The following JMJD1C variants were observed in gnomAD, a reference collection of about 807,000 sequenced individuals.
JMJD1C encodes jumonji domain-containing protein 1C.
JMJD1C carries 31 observed loss-of-function variants against 245.3 expected under a neutral mutation model. That is an observed-to-expected ratio of 0.13 (90% confidence interval 0.09 to 0.17). The LOEUF (loss-of-function observed/expected upper bound fraction) is 0.17. Ranked by LOEUF, JMJD1C falls within the 10% of genes least tolerant of loss-of-function variation. JMJD1C has a pLI of 1.00. For missense variants in JMJD1C, 2,691 were observed against 3,000.2 expected (o/e 0.90, Z 2.41); for synonymous variants, 1,057 against 1,017.4 (o/e 1.04, Z -0.74).
intron 1 of JMJD1C, among the ~76,000 whole-genome samples, chr10:63,506,272 AAGAAAGCTTTAG>A (rs1179334568): frequency 3.3e-5 from 5 of 152,216 alleles, no homozygotes; most frequent in African/African-American, 1.2e-4. Context: ...GGGATTTAGG[AAGAAAGCTTTAG>A]AGTTTGACCA....
intron 1 of JMJD1C, among the ~76,000 whole-genome samples, chr10:63,484,281 A>G (rs1047401118): frequency 6.6e-6 from 1 of 151,732 alleles, no homozygotes; most frequent in Non-Finnish European, 1.5e-5. Flanking sequence ...TAAGATAGAT[A>G]GATAAGACAG....
intron 2 of JMJD1C, among the ~76,000 whole-genome samples, chr10:63,356,552 G>A (rs2134327257): frequency 6.6e-6 from 1 of 152,286 alleles, no homozygotes; most frequent in South Asian, 2.1e-4. Context: ...TATTACAATG[G>A]TTTGGACTGT....
intron 8 of JMJD1C, among the ~76,000 whole-genome samples, chr10:63,209,480 TA>T (rs1453050299): frequency 6.6e-6 from 1 of 152,318 alleles, no homozygotes; most frequent in African/African-American, 2.4e-5. Flanking sequence ...GTCATCTTAC[TA>T]AAAACAGATC....
chr10:63,427,921 CCTAGAAG>C, intron 1 of JMJD1C: 1 of 716,140 alleles, frequency 1.4e-6, no homozygotes, highest in Non-Finnish European at 2.6e-6. Flanking sequence ...AAGGCAGCCA[CCTAGAAG>C]CAGCAGCAGC....
At chr10:63,216,797 A>C (rs912344557) in intron 5 of JMJD1C, among the ~76,000 whole-genome samples, 3 of 152,204 alleles carry the variant, frequency 2.0e-5, no homozygotes, top group African/African-American at 7.2e-5. Flanking sequence ...GAGCATACCA[A>C]CACTGACATT....
intron 1 of JMJD1C, among the ~76,000 whole-genome samples, chr10:63,429,243 T>A (rs1950612235): frequency 1.3e-5 from 2 of 152,010 alleles, no homozygotes; most frequent in Non-Finnish European, 2.9e-5. Flanking sequence ...CCTCCCAAAG[T>A]GCTGGGATTA....
At chr10:63,358,771 G>A (rs146440422) in intron 2 of JMJD1C, 4 of 153,024 alleles carry the variant, frequency 2.6e-5, no homozygotes, top group African/African-American at 9.6e-5. Context: ...CCATAACCCA[G>A]GGGCTGTTAA....
chr10:63,459,139 T>C (rs1440838133), intron 1 of JMJD1C, among the ~76,000 whole-genome samples: 3 of 152,212 alleles, frequency 2.0e-5, no homozygotes, highest in Non-Finnish European at 2.9e-5. Flanking sequence ...CTGAAGGATT[T>C]AGAACAGAAC....
At chr10:63,464,552 A>G (rs1162445381) in intron 1 of JMJD1C, among the ~76,000 whole-genome samples, 2 of 152,176 alleles carry the variant, frequency 1.3e-5, no homozygotes, top group East Asian at 3.9e-4. Context: ...AGTCTAGTCC[A>G]TGTCTTGTCT....
intron 1 of JMJD1C, among the ~76,000 whole-genome samples, chr10:63,409,965 C>G (rs974902666): frequency 3.3e-5 from 5 of 151,986 alleles, no homozygotes; most frequent in Admixed American, 1.3e-4. Flanking sequence ...AGAATCAAGT[C>G]TAGGCTGCTC....
chr10:63,252,531 C>A (rs549035459), intron 3 of JMJD1C, among the ~76,000 whole-genome samples: 1 of 152,286 alleles, frequency 6.6e-6, no homozygotes, highest in East Asian at 1.9e-4. Context: ...TGCTGGTCTA[C>A]CATGTGGAAT....
chr10:63,207,601 C>A lies in JMJD1C; in HGVS notation c.4068G>T (p.Leu1356Phe). 1 of 1,614,096 alleles carries A rather than the reference C, an allele frequency of 6.2e-7. No homozygotes were observed. The highest frequency in any genetic ancestry group is 8.5e-7 in the Non-Finnish European group (1 of 1,180,018). Residue 1356 changes from leucine (L) to phenylalanine (F), a missense_variant, in exon 10 of 26, where the codon TTG (leucine) becomes TTT (phenylalanine). By Grantham distance (22) the Leu-to-Phe change is conservative. This residue lies in a region of JMJD1C where 1,562 missense variants were observed against 1,490.7 expected (regional missense o/e 1.05). Transcript: ENST00000399262. ...AEAGETGRIILPNVNSDSVHT... is the reference protein window; with the variant it reads ...AEAGETGRIIFPNVNSDSVHT... ...GAACACTGTCTGAATTCACATTTGG[C>A]AAAATGATTCTTCCAGTTTCTCCGG...
intron 3 of JMJD1C, among the ~76,000 whole-genome samples, chr10:63,231,999 G>A (rs1440047214): frequency 6.6e-6 from 1 of 151,926 alleles, no homozygotes; most frequent in African/African-American, 2.4e-5. Context: ...ACCATGCCCA[G>A]CTAATTTTTT....
At chr10:63,284,641 T>C (rs546953128) in intron 2 of JMJD1C, among the ~76,000 whole-genome samples, 3 of 152,254 alleles carry the variant, frequency 2.0e-5, no homozygotes, top group East Asian at 1.9e-4. Flanking sequence ...AAAAACATCA[T>C]TAAACTTCGA....
intron 1 of JMJD1C, among the ~76,000 whole-genome samples, chr10:63,440,265 A>G (rs1041564570): frequency 1.3e-5 from 2 of 151,078 alleles, no homozygotes; most frequent in African/African-American, 2.4e-5. Context: ...AACCTGGGAG[A>G]TGGAGGTTGC....
At chr10:63,495,698 C>T (rs1007462046) in intron 1 of JMJD1C, among the ~76,000 whole-genome samples, 4 of 148,068 alleles carry the variant, frequency 2.7e-5, no homozygotes, top group Non-Finnish European at 4.4e-5. Context: ...GCGGAGGTTG[C>T]AGTGAGCCGA....
chr10:63,249,847 G>C (rs926761108), intron 3 of JMJD1C, among the ~76,000 whole-genome samples: 3 of 150,242 alleles, frequency 2.0e-5, no homozygotes, highest in African/African-American at 7.4e-5. Flanking sequence ...GCTACAGAGT[G>C]AGACTCCATC....
chr10:63,484,280 T>C (rs930282838), intron 1 of JMJD1C, among the ~76,000 whole-genome samples: 2 of 131,922 alleles, frequency 1.5e-5, no homozygotes, highest in East Asian at 2.6e-4. Flanking sequence ...ATAAGATAGA[T>C]AGATAAGACA....
intron 3 of JMJD1C, among the ~76,000 whole-genome samples, chr10:63,243,433 G>A (rs1851777052): frequency 1.3e-5 from 2 of 152,068 alleles, no homozygotes; most frequent in East Asian, 3.9e-4. Flanking sequence ...GGCTGAGGCA[G>A]AAGAATCGCT....
Sources: allele counts gnomAD v4.1 joint callset (sites outside exome capture counted in the v4.1 genomes callset), GRCh38; gene constraint gnomAD v4.1.1; regional missense constraint gnomAD v4.1.1; transcripts MANE v1.5; gene names NCBI Gene and HGNC (gene_info 2026-07-23, HGNC 2026-07-21).